Variants in KIZ observed in about 807,000 individuals in gnomAD.
KIZ encodes the protein centrosomal protein kizuna.
KIZ carries 68 observed loss-of-function variants against 79.6 expected under a neutral mutation model. That is an observed-to-expected ratio of 0.85 (90% CI 0.70 to 1.05). KIZ has a LOEUF of 1.05. KIZ is among the 50% of genes least tolerant of loss of function. KIZ has a pLI of 0.00. For missense variants in KIZ, 797 were observed against 800.4 expected, an observed-to-expected ratio of 1.00 and a Z score of 0.05; for synonymous variants, 280 against 281.8, an observed-to-expected ratio of 0.99 and a Z score of 0.06.
At chr20:21,245,727 C>CAAAATTT (rs2037367017) in intron 12 of KIZ, 1 of 152,254 alleles carries the variant, frequency 6.6e-6, no homozygotes, top group Non-Finnish European at 1.5e-5. Flanking sequence ...GCTGCAGGAG[C>CAAAATTT]GTGCTCAGCC....
intron 6 of KIZ, among the ~76,000 whole-genome samples, chr20:21,191,087 A>G (rs2035084669): frequency 6.6e-6 from 1 of 152,224 alleles, no homozygotes; most frequent in African/African-American, 2.4e-5. Flanking sequence ...GGTTGGAATG[A>G]AAACAAAGCT....
chr20:21,128,749 A>G (rs1480443245), intron 1 of KIZ, among the ~76,000 whole-genome samples: 1 of 152,248 alleles, frequency 6.6e-6, no homozygotes, highest in African/African-American at 2.4e-5. Flanking sequence ...ACGGTTATAC[A>G]AAAACATCCT....
At chr20:21,205,662 A>ATT in intron 7 of KIZ, 78 bp downstream of exon 7, 1 of 635,262 alleles carries the variant, frequency 1.6e-6, no homozygotes, top group Admixed American at 3.5e-5. Context: ...TTTATTTAAA[A>ATT]AAAAAAAAAA....
rs1308979557 is a variant in KIZ, at chr20:21,145,545, C to G, written c.316-20C>G. 8.0e-7 allele frequency: 1 copy of G among 1,256,568 alleles called. No homozygotes were observed. Among genetic ancestry groups the G allele is most frequent in the Non-Finnish European group, 1.1e-6 (1 of 896,872 alleles). 77.8% of individuals were successfully genotyped at this position (1,256,568 alleles called of 1,614,324 possible). On this transcript the variant is annotated intron_variant, in intron 3 of 12. Coordinates refer to ENST00000619189, the MANE Select transcript of KIZ (RefSeq NM_018474.6). ...GTTGTAAAAATATTTATCACAAAAT[C>G]AAACTTTCTTTATATTTAGCTCGAA... is the stretch of plus-strand genomic sequence containing the variant.
intron 6 of KIZ, among the ~76,000 whole-genome samples, chr20:21,193,022 T>C (rs1214811118): frequency 6.6e-6 from 1 of 152,118 alleles, no homozygotes; most frequent in East Asian, 1.9e-4. Flanking sequence ...ATAAAGGAAC[T>C]TCAGAGAACA....
intron 6 of KIZ, among the ~76,000 whole-genome samples, chr20:21,164,555 G>A (rs2033841234): frequency 6.6e-6 from 1 of 152,154 alleles, no homozygotes; most frequent in African/African-American, 2.4e-5. Flanking sequence ...TTATGGCATG[G>A]TGGACAAGTT....
intron 9 of KIZ, 51 bp from the exon 10 acceptor site, chr20:21,228,960 T>C (rs2036740828): frequency 2.0e-6 from 2 of 1,010,748 alleles, no homozygotes; most frequent in Non-Finnish European, 3.0e-6. Flanking sequence ...AAAAAGCTTC[T>C]TTCTGGCCAG....
At chr20:21,219,359 C>G (rs965562468) in intron 9 of KIZ, among the ~76,000 whole-genome samples, 2 of 151,990 alleles carry the variant, frequency 1.3e-5, no homozygotes, top group Non-Finnish European at 2.9e-5. Context: ...GCTCTGTCAC[C>G]CAGGCTGGAG....
intron 6 of KIZ, among the ~76,000 whole-genome samples, chr20:21,172,388 C>T (rs540495844): frequency 1.4e-4 from 22 of 152,104 alleles, no homozygotes; most frequent in Admixed American, 6.5e-5. Context: ...GGATTGTTTG[C>T]GCTTAGGAGT....
chr20:21,186,773 G>A (rs2034891123), intron 6 of KIZ, among the ~76,000 whole-genome samples: 1 of 152,064 alleles, frequency 6.6e-6, no homozygotes, highest in Non-Finnish European at 1.5e-5. Flanking sequence ...AGGAGAGCCA[G>A]TTAGCTTTTG....
At chr20:21,173,017 G>C (rs1232159839) in intron 6 of KIZ, among the ~76,000 whole-genome samples, 1 of 152,164 alleles carries the variant, frequency 6.6e-6, no homozygotes, top group East Asian at 1.9e-4. Context: ...TTGGGGAGAC[G>C]GGAGAAGCTG....
chr20:21,210,395 C>A lies in KIZ; in HGVS notation c.1447-4140C>A, dbSNP rs536460995. ...TACATAACCTTGTTTTTTTTTTACC[C>A]CCATTTGCTGCAAAGTGAACTCTTT... On this transcript the variant is annotated intron_variant, in intron 7 of 12. Coordinates refer to ENST00000619189, the MANE Select transcript of KIZ (RefSeq NM_018474.6). Among the ~76,000 whole-genome samples the A allele has an allele frequency of 5.9e-5, 9 of 151,576 alleles. No homozygotes were observed. The South Asian group carries it at 1.9e-3, about 32-fold the overall frequency.
At chr20:21,212,602 A>T (rs1026795563) in intron 7 of KIZ, among the ~76,000 whole-genome samples, 1 of 152,178 alleles carries the variant, frequency 6.6e-6, no homozygotes, top group South Asian at 2.1e-4. Flanking sequence ...TTGTGGGTTT[A>T]TTGGATGTAA....
rs960499606 is a variant in KIZ at position 21,244,435 on chromosome 20, C to A, written c.1924+147C>A. 1.0e-4 allele frequency: 68 copies of A among 647,960 alleles called. No individual in the cohort carries two copies. In the East Asian group the frequency reaches 1.5e-3, roughly 14 times the overall value. 40.1% of individuals were successfully genotyped at this position (647,960 alleles called of 1,614,324 possible). A position where few individuals can be genotyped will look rare whatever the true frequency, so the allele number is the denominator to read the frequency against. ...CATTGCAGCTGTCCCTGGGGTGGAA[C>A]CTGAGGGCTTCTGGAGGCTCAGTTC... On this transcript the variant is annotated intron_variant, in intron 12 of 12. Transcript: ENST00000619189.
At chr20:21,237,634 C>G (rs1241435661) in intron 11 of KIZ, among the ~76,000 whole-genome samples, 3 of 152,180 alleles carry the variant, frequency 2.0e-5, no homozygotes, top group Admixed American at 6.5e-5. Flanking sequence ...TTGGAATGCT[C>G]TTGCCCCACT....
intron 6 of KIZ, among the ~76,000 whole-genome samples, chr20:21,172,992 G>C (rs1461668763): frequency 6.6e-6 from 1 of 152,214 alleles, no homozygotes; most frequent in Non-Finnish European, 1.5e-5. Context: ...TGGTGCACCT[G>C]AATCCGAACA....
chr20:21,135,773 A>G (rs2032151414), intron 2 of KIZ, among the ~76,000 whole-genome samples: 1 of 152,190 alleles, frequency 6.6e-6, no homozygotes, highest in South Asian at 2.1e-4. Flanking sequence ...GGAATGCAGA[A>G]TATGTTTTTG....
intron 6 of KIZ, among the ~76,000 whole-genome samples, chr20:21,163,366 CAA>C (rs1490366076): frequency 3.3e-5 from 5 of 151,952 alleles, no homozygotes; most frequent in Admixed American, 2.6e-4. Context: ...CTTTCTTTGA[CAA>C]AAAAACTTTA....
At chr20:21,165,312 G>A (rs1380315638) in intron 6 of KIZ, among the ~76,000 whole-genome samples, 1 of 151,652 alleles carries the variant, frequency 6.6e-6, no homozygotes, top group Non-Finnish European at 1.5e-5. Flanking sequence ...GAGCAAATAG[G>A]GTCTGGAGGA....
Sources: allele counts gnomAD v4.1 joint callset (sites outside exome capture counted in the v4.1 genomes callset), GRCh38; gene constraint gnomAD v4.1.1; transcripts MANE v1.5; gene names NCBI Gene and HGNC (gene_info 2026-07-23, HGNC 2026-07-21).